NFATC1: variants seen among roughly 807,000 people sequenced by gnomAD.
NFATC1 encodes the protein nuclear factor of activated T cells 1.
NFATC1 carries 22 observed loss-of-function variants against 76.0 expected under a neutral mutation model. That is an observed-to-expected ratio of 0.29 (90% CI 0.21 to 0.41). The LOEUF is 0.41. Among genes scored for constraint, NFATC1 ranks in the 10% least tolerant of loss-of-function variants. The probability of loss-of-function intolerance (pLI) is 1.00; values close to 1 mark genes in which losing one functional copy is unlikely to be tolerated. For missense variants in NFATC1, 1,357 were observed against 1,337.7 expected (o/e 1.01, Z -0.23); for synonymous variants, 704 against 613.1 (o/e 1.15, Z -2.19).
At chr18:79,456,650 G>A (rs2087744028) in intron 6 of NFATC1, among the ~76,000 whole-genome samples, 1 of 152,260 alleles carries the variant, frequency 6.6e-6, no homozygotes, top group African/African-American at 2.4e-5. Context: ...GGCCCTTGCT[G>A]TCCCTCCTCT....
At chr18:79,482,008 C>A (rs1287259179) in intron 8 of NFATC1, among the ~76,000 whole-genome samples, 4 of 143,196 alleles carry the variant, frequency 2.8e-5, no homozygotes, top group Admixed American at 2.1e-4. Flanking sequence ...GGTGTCATTC[C>A]AGTGTGACCT....
At chr18:79,408,903 C>G (rs953845274) in intron 1 of NFATC1, among the ~76,000 whole-genome samples, 6 of 150,562 alleles carry the variant, frequency 4.0e-5, no homozygotes, top group Admixed American at 1.3e-4. Context: ...CATCATCCAT[C>G]CATCATCATC....
intron 3 of NFATC1, among the ~76,000 whole-genome samples, chr18:79,438,564 G>C (rs2086862447): frequency 6.6e-6 from 1 of 152,224 alleles, no homozygotes; most frequent in African/African-American, 2.4e-5. Flanking sequence ...TAATTAATAG[G>C]TCACTGGAAT....
chr18:79,496,170 C>T (rs544565463), intron 9 of NFATC1: 2 of 152,788 alleles, frequency 1.3e-5, no homozygotes, highest in African/African-American at 4.8e-5. Context: ...GTGGCATTGT[C>T]TCCATTTCAA....
At chr18:79,515,747 C>T (rs1241096004) in intron 9 of NFATC1, 1 of 152,042 alleles carries the variant, frequency 6.6e-6, no homozygotes, top group Admixed American at 6.6e-5. Flanking sequence ...CCTACCGAGA[C>T]CCAACCCGGT....
intron 2 of NFATC1, among the ~76,000 whole-genome samples, 165 bp from the exon 3 acceptor site, chr18:79,433,414 C>T (rs1356434271): frequency 6.6e-6 from 1 of 152,222 alleles, no homozygotes; most frequent in South Asian, 2.1e-4. Flanking sequence ...CCACAGGTCA[C>T]GATGAGTAAG....
chr18:79,511,847 G>T (rs1303738008), intron 9 of NFATC1, among the ~76,000 whole-genome samples: 2 of 152,148 alleles, frequency 1.3e-5, no homozygotes, highest in Non-Finnish European at 2.9e-5. Flanking sequence ...CTTGCTGCGG[G>T]TCCGGGACCT....
chr18:79,396,236 C>T lies in NFATC1; in HGVS notation c.12C>T (p.Thr4=). The T allele has an allele frequency of 6.7e-7, 1 of 1,494,758 alleles. No homozygotes were observed. Among genetic ancestry groups the T allele is most frequent in the South Asian group, 1.2e-5 (1 of 80,952 alleles). 92.6% of individuals were successfully genotyped at this position (1,494,758 alleles called of 1,614,324 possible). A position where few individuals can be genotyped will look rare whatever the true frequency, so the allele number is the denominator to read the frequency against. Residue 4 remains threonine (T), a synonymous_variant, in exon 1 of 10, where the codon ACC becomes ACT. Coordinates refer to ENST00000427363, the MANE Select transcript of NFATC1 (RefSeq NM_001278669.2). The stretch of plus-strand genomic sequence containing the variant: ...CCGCCGCCGCGCGGATGCCAAGCAC[C>T]AGCTTTCCAGTCCCTTCCAAGTTTC... The part of the protein sequence containing the change: MPS[T]SFPVPSKFPL...
At chr18:79,503,449 A>C (rs2090055047) in intron 9 of NFATC1, among the ~76,000 whole-genome samples, 2 of 152,216 alleles carry the variant, frequency 1.3e-5, no homozygotes. Context: ...CGTGAGCAGT[A>C]ATATTATTAA....
Position 79,411,412 on chromosome 18 carries a change from G to A in NFATC1, c.1137G>A (p.Lys379=), listed in dbSNP as rs755421228. ...ACTCCTCTTTCCAGCACATCAGGAAGGGCGGCTTCTGCGACCAGTACCTGG... is the reference window on the plus strand; with the variant it reads ...ACTCCTCTTTCCAGCACATCAGGAAAGGCGGCTTCTGCGACCAGTACCTGG... ...EDYSSFQHIR[K]GGFCDQYLAV... is the part of the protein sequence containing the mutation. The change falls in exon 2 of 10, where the codon AAG becomes AAA. Residue 379 remains lysine (K), a synonymous_variant. Transcript: ENST00000427363. The A allele has an allele frequency of 6.4e-7, 1 of 1,557,178 alleles. No homozygotes were observed. Among genetic ancestry groups the A allele is most frequent in the Non-Finnish European group, 8.7e-7 (1 of 1,154,814 alleles).
At chr18:79,520,717 G>T (rs1314540186) in intron 9 of NFATC1, among the ~76,000 whole-genome samples, 4 of 69,046 alleles carry the variant, frequency 5.8e-5, no homozygotes, top group Non-Finnish European at 8.6e-5. Context: ...GTGTGTGTGG[G>T]GGGGGGGCAT....
chr18:79,453,474 T>G (rs2087559996), intron 6 of NFATC1, among the ~76,000 whole-genome samples: 1 of 152,256 alleles, frequency 6.6e-6, no homozygotes, highest in African/African-American at 2.4e-5. Context: ...CCTGGCCTCA[T>G]GCGGCCGCCC....
intron 2 of NFATC1, among the ~76,000 whole-genome samples, chr18:79,428,110 G>A (rs1403768487): frequency 6.7e-6 from 1 of 148,764 alleles, no homozygotes; most frequent in African/African-American, 2.5e-5. Flanking sequence ...GCGGTGGGTT[G>A]GGGGGGCCTG....
chr18:79,447,081 G>A (rs1042980685), intron 3 of NFATC1, among the ~76,000 whole-genome samples: 8 of 152,160 alleles, frequency 5.3e-5, no homozygotes, highest in African/African-American at 1.4e-4. Flanking sequence ...TTCAGCCGTC[G>A]CTTCACTGTG....
chr18:79,486,886 G>A lies in NFATC1; in HGVS notation c.2731G>A (p.Val911Ile). 1.2e-6 allele frequency: 2 copies of A among 1,610,386 alleles called. No homozygotes were observed. The highest frequency in any genetic ancestry group is 1.7e-6 in the Non-Finnish European group (2 of 1,178,926). Residue 911 changes from valine to isoleucine, a missense_variant, in exon 9 of 10, where the codon GTA becomes ATA. By Grantham distance (29) the Val-to-Ile change is conservative. Transcript: ENST00000427363. ...TAGTCCTAATTTGGCCCCTATTCCT[G>A]TAACGGTCAAGCGAGAGCCTGAAGA... The part of the protein sequence containing the change: ...DGSPNLAPIP[V>I]TVKREPEELD...
At chr18:79,515,672 T>C (rs1210488563) in intron 9 of NFATC1, 2 of 151,832 alleles carry the variant, frequency 1.3e-5, no homozygotes, top group Admixed American at 1.3e-4. Flanking sequence ...CAAGTGCCCG[T>C]CTCCCCCTGG....
chr18:79,444,771 GCA>G (rs1161471254), intron 3 of NFATC1, among the ~76,000 whole-genome samples: 10 of 146,764 alleles, frequency 6.8e-5, no homozygotes, highest in Non-Finnish European at 1.2e-4. Flanking sequence ...CACCGGCGCT[GCA>G]CACACAGGCA....
Position 79,411,054 on chromosome 18 carries a change from C to T in NFATC1, c.779C>T (p.Ala260Val), listed in dbSNP as rs756559983. 14 of 1,611,920 alleles carry T rather than the reference C, an allele frequency of 8.7e-6. No individual in the cohort carries two copies. Among genetic ancestry groups the T allele is most frequent in the East Asian group, 2.2e-5 (1 of 44,846 alleles). ...SWLGARSSRP[A>V]SPCNKRKYSL... Reference sequence around the variant, plus strand: ...CTGGGTGCCCGCTCCTCCAGACCCGCGTCCCCTTGCAACAAGAGGAAGTAC... The same window carrying T: ...CTGGGTGCCCGCTCCTCCAGACCCGTGTCCCCTTGCAACAAGAGGAAGTAC... The change falls in exon 2 of 10, where the codon GCG (alanine) becomes GTG (valine). Residue 260 changes from alanine (A) to valine (V), a missense_variant. Physicochemically the swap from Ala to Val is moderately conservative, Grantham distance 64. This residue lies in a region of NFATC1 where 691 missense variants were observed against 613.1 expected (regional missense o/e 1.13). Transcript: ENST00000427363.
At position 79,411,168 on chromosome 18, in the gene NFATC1, A is replaced by C; in HGVS notation, c.893A>C (p.Asp298Ala). 1 of 1,611,918 alleles carries C rather than the reference A, an allele frequency of 6.2e-7. No individual in the cohort carries two copies. Among genetic ancestry groups the C allele is most frequent in the Non-Finnish European group, 8.5e-7 (1 of 1,179,790 alleles). Reference sequence around the variant, plus strand: ...TCCCCGCGGGTCAGCGTGACCGACGACTCGTGGTTGGGCAACACCACCCAG... The same window carrying C: ...TCCCCGCGGGTCAGCGTGACCGACGCCTCGTGGTTGGGCAACACCACCCAG... ...HGSPRVSVTD[D>A]SWLGNTTQYT... The change falls in exon 2 of 10, where the codon GAC (aspartate) becomes GCC (alanine). Residue 298 changes from aspartate to alanine, a missense_variant. Physicochemically the swap from Asp to Ala is moderately radical, Grantham distance 126. Coordinates refer to ENST00000427363, the MANE Select transcript of NFATC1 (RefSeq NM_001278669.2).
Sources: gnomAD v4.1 joint callset for allele counts (sites outside exome capture counted in the v4.1 genomes callset) on GRCh38, gnomAD v4.1.1 for gene constraint, gnomAD v4.1.1 regional missense constraint, MANE v1.5 for transcripts, NCBI Gene and HGNC (gene_info 2026-07-23, HGNC 2026-07-21) for gene names.